Variants in NIPSNAP1 observed in about 807,000 individuals in gnomAD.
NIPSNAP1 encodes protein NipSnap homolog 1.
Under a neutral mutation model 49.2 loss-of-function variants are expected in NIPSNAP1, and 25 were observed. That is an observed-to-expected ratio of 0.51 (90% CI 0.37 to 0.71). The LOEUF is 0.71. Among genes scored for constraint, NIPSNAP1 ranks in the 30% least tolerant of loss-of-function variants. The probability of loss-of-function intolerance (pLI) is 0.00; values close to 1 mark genes in which losing one functional copy is unlikely to be tolerated. For missense variants in NIPSNAP1, 294 were observed against 361.0 expected (o/e 0.81, Z 1.50); for synonymous variants, 143 against 140.7 (o/e 1.02, Z -0.12).
In NIPSNAP1 at chr22:29,555,998, G is replaced by T; in HGVS notation, c.792C>A (p.Val264=). 1 of 1,549,170 alleles carries T rather than the reference G, an allele frequency of 6.5e-7. No individual in the cohort carries two copies. The highest frequency in any genetic ancestry group is 8.7e-7 in the Non-Finnish European group (1 of 1,145,890). ...TAGACTCCATGTGTCGCACCAGGGG[G>T]ACTGCGGAGAGAGAAGGCAGAGGTC... ...RGWDENVYYT[V]PLVRHMESRI... Residue 264 remains valine (V), a splice_region_variant and synonymous_variant, in exon 10 of 10, where the codon GTC becomes GTA. Transcript: ENST00000216121.
At chr22:29,562,772 T>A (rs2064344653) in intron 4 of NIPSNAP1, among the ~76,000 whole-genome samples, 1 of 151,866 alleles carries the variant, frequency 6.6e-6, no homozygotes, top group Non-Finnish European at 1.5e-5. Context: ...GGAAGCTTAC[T>A]TTGCATGGAA....
chr22:29,562,338 G>A (rs8139285), intron 4 of NIPSNAP1, among the ~76,000 whole-genome samples: 1,940 of 152,278 alleles, frequency 0.013, 38 homozygotes, highest in African/African-American at 0.044. Context: ...AAGAGGATGT[G>A]TGGTATGCTA....
At chr22:29,561,070 C>A in intron 7 of NIPSNAP1, 101 bp downstream of exon 7, 1 of 1,152,112 alleles carries the variant, frequency 8.7e-7, no homozygotes, top group East Asian at 2.4e-5. Flanking sequence ...TAAAGAGTTC[C>A]CTGTGATATG....
intron 7 of NIPSNAP1, 114 bp downstream of exon 7, chr22:29,561,057 A>C (rs1037521470): frequency 2.5e-5 from 27 of 1,064,906 alleles, no homozygotes; most frequent in Non-Finnish European, 3.6e-5. Flanking sequence ...GAGGGGCAGA[A>C]GGTAAAGAGT....
chr22:29,561,206 A>C lies in NIPSNAP1; in HGVS notation c.580-4T>G. The C allele has an allele frequency of 6.2e-7, 1 of 1,613,244 alleles. No homozygotes were observed. The highest frequency in any genetic ancestry group is 8.5e-7 in the Non-Finnish European group (1 of 1,179,592). On this transcript the variant is annotated splice_region_variant and splice_polypyrimidine_tract_variant and intron_variant, in intron 6 of 9. Transcript: ENST00000216121. ...CCCACTCGATCATGGTTCCTGGCTG[A>C]AAGAGAACCAAAGGGATGATGGGAA...
chr22:29,558,982 A>G (rs778190533), intron 8 of NIPSNAP1, 29 bp from the exon 9 acceptor site: 15 of 1,519,334 alleles, frequency 9.9e-6, no homozygotes, highest in Non-Finnish European at 1.3e-5. Context: ...CTCATTCCTC[A>G]GGCACAGAGG....
At chr22:29,559,021 T>G in intron 8 of NIPSNAP1, 68 bp from the exon 9 acceptor site, 2 of 1,154,980 alleles carry the variant, frequency 1.7e-6, no homozygotes, top group South Asian at 1.2e-5. Context: ...CACAGGGCCC[T>G]CTTCCCACTG....
intron 1 of NIPSNAP1, 142 bp downstream of exon 1, chr22:29,580,843 T>C: frequency 2.1e-5 from 13 of 622,002 alleles, no homozygotes; most frequent in East Asian, 3.2e-5. Context: ...CCCAGACCCC[T>C]CCCTAGGCCT....
chr22:29,561,043 C>T (rs2064331794), intron 7 of NIPSNAP1, 128 bp downstream of exon 7: 23 of 1,003,060 alleles, frequency 2.3e-5, no homozygotes, highest in Non-Finnish European at 3.1e-5. Context: ...TCTCCCAGAT[C>T]CATGAGGGGC....
At chr22:29,574,289 A>AAAAAAAAAAAAGAAAGAAAAAG (rs2064434492) in intron 1 of NIPSNAP1, among the ~76,000 whole-genome samples, 3 of 125,254 alleles carry the variant, frequency 2.4e-5, no homozygotes, top group African/African-American at 9.8e-5. Context: ...AAAAAAAAAA[A>AAAAAAAAAAAAGAAAGAAAAAG]AAAGAAAGAA....
chr22:29,564,069 G>A (rs1431937412), intron 4 of NIPSNAP1, among the ~76,000 whole-genome samples: 2 of 152,192 alleles, frequency 1.3e-5, no homozygotes, highest in Non-Finnish European at 2.9e-5. Context: ...AATTGTGGAG[G>A]AGAAGAAAGG....
intron 1 of NIPSNAP1, among the ~76,000 whole-genome samples, chr22:29,571,389 A>T (rs1440668655): frequency 6.6e-6 from 1 of 152,206 alleles, no homozygotes; most frequent in African/African-American, 2.4e-5. Flanking sequence ...TGCTCTGCCC[A>T]TCTCCATAGG....
chr22:29,560,112 T>C (rs775919785), intron 8 of NIPSNAP1, among the ~76,000 whole-genome samples: 4 of 152,170 alleles, frequency 2.6e-5, no homozygotes, highest in African/African-American at 4.8e-5. Context: ...TGCTTTTGCC[T>C]AGCAATTCAC....
At chr22:29,561,023 G>T in intron 7 of NIPSNAP1, 148 bp downstream of exon 7, 1 of 906,304 alleles carries the variant, frequency 1.1e-6, no homozygotes, top group Non-Finnish European at 1.8e-6. Flanking sequence ...TCACCTCCTG[G>T]CTGGATCCTT....
chr22:29,581,018 CGA>C lies in NIPSNAP1; in HGVS notation c.63_64del (p.Ala23TrpfsTer17). The stretch of plus-strand genomic sequence containing the variant: ...AGCTGCAGACGCAACGTCCCCAGCG[CGA>C]GGCCCCGGGCCCCCCAGCAGCCGCC... On this transcript the variant is annotated frameshift_variant, in exon 1 of 10. Transcript: ENST00000216121. LOFTEE classifies it high-confidence loss of function. The C allele has an allele frequency of 3.3e-6, 5 of 1,535,910 alleles. No homozygotes were observed. The highest frequency in any genetic ancestry group is 3.5e-6 in the Non-Finnish European group (4 of 1,144,942).
At position 29,574,703 on chromosome 22, in the gene NIPSNAP1, C is replaced by T. The variant is rs557311404; in HGVS notation, c.99-4171G>A. Among the ~76,000 whole-genome samples, 7 of 148,152 alleles carry T rather than the reference C, an allele frequency of 4.7e-5. No homozygotes were observed. In the East Asian group the frequency reaches 1.2e-3, roughly 25 times the overall value. ...CTGAGGCAGGAGAATCACTTGAACC[C>T]GGGAGGCGGAGGTTGCAGTGAGCTG... is the stretch of plus-strand genomic sequence containing the variant. On this transcript the variant is annotated intron_variant, in intron 1 of 9. Transcript: ENST00000216121.
At chr22:29,578,656 A>G (rs1047399787) in intron 1 of NIPSNAP1, among the ~76,000 whole-genome samples, 1 of 151,252 alleles carries the variant, frequency 6.6e-6, no homozygotes, top group African/African-American at 2.5e-5. Flanking sequence ...GGTATAAGTA[A>G]CTGCAAGACA....
chr22:29,578,497 C>T (rs2064472710), intron 1 of NIPSNAP1, among the ~76,000 whole-genome samples: 1 of 151,176 alleles, frequency 6.6e-6, no homozygotes, highest in South Asian at 2.1e-4. Context: ...TCAAAGCCCA[C>T]ACTCCATCCC....
chr22:29,562,379 G>C (rs980093483), intron 4 of NIPSNAP1, among the ~76,000 whole-genome samples: 1 of 152,230 alleles, frequency 6.6e-6, no homozygotes, highest in African/African-American at 2.4e-5. Context: ...AGGACATCCA[G>C]AGATGCTAAT....
Sources: allele counts gnomAD v4.1 joint callset (sites outside exome capture counted in the v4.1 genomes callset), GRCh38; gene constraint gnomAD v4.1.1; transcripts MANE v1.5; gene names NCBI Gene and HGNC (gene_info 2026-07-23, HGNC 2026-07-21).